FAM110B: variants seen among roughly 807,000 people sequenced by gnomAD.
The protein encoded by FAM110B is family with sequence similarity 110 member B.
In FAM110B, 6 loss-of-function variants were observed where a neutral mutation model predicts 20.4. The ratio of observed to expected loss-of-function variants is 0.29; its 90% CI spans 0.16 to 0.58. The LOEUF (loss-of-function observed/expected upper bound fraction) is 0.58, where lower values mean the gene tolerates loss of function less well. FAM110B is among the 20% of genes least tolerant of loss of function. The pLI is 0.90. For missense variants in FAM110B, 434 were observed against 498.2 expected, an observed-to-expected ratio of 0.87 and a Z score of 1.23; for synonymous variants, 226 against 214.1, an observed-to-expected ratio of 1.06 and a Z score of -0.49.
At chr8:58,030,521 A>G (rs1171529341) in intron 1 of FAM110B, among the ~76,000 whole-genome samples, 1 of 152,234 alleles carries the variant, frequency 6.6e-6, no homozygotes, top group Non-Finnish European at 1.5e-5. Context: ...CTCTCCAGAA[A>G]GGCGATGATA....
At chr8:58,125,831 T>G (rs1807487455) in intron 3 of FAM110B, among the ~76,000 whole-genome samples, 1 of 152,216 alleles carries the variant, frequency 6.6e-6, no homozygotes, top group African/African-American at 2.4e-5. Context: ...GCTGTTTTCT[T>G]TAAACATTTT....
intron 2 of FAM110B, among the ~76,000 whole-genome samples, chr8:58,047,930 T>C (rs1332982337): frequency 6.6e-6 from 1 of 152,192 alleles, no homozygotes; most frequent in East Asian, 1.9e-4. Context: ...ATTTAAACTT[T>C]AGCGTCTTCA....
intron 2 of FAM110B, among the ~76,000 whole-genome samples, chr8:58,047,614 C>CTCTCTCTT (rs1480910516): frequency 6.7e-6 from 1 of 150,062 alleles, no homozygotes; most frequent in African/African-American, 2.5e-5. Flanking sequence ...CTCTCTCTCT[C>CTCTCTCTT]TCTCTCTCTC....
At chr8:58,054,765 C>T (rs1008933641) in intron 2 of FAM110B, among the ~76,000 whole-genome samples, 3 of 152,068 alleles carry the variant, frequency 2.0e-5, no homozygotes, top group Non-Finnish European at 4.4e-5. Context: ...CCATGTCCCT[C>T]TAAAGCAAAA....
chr8:58,011,778 C>G (rs773577436), intron 1 of FAM110B, among the ~76,000 whole-genome samples: 1 of 152,210 alleles, frequency 6.6e-6, no homozygotes, highest in African/African-American at 2.4e-5. Context: ...ACATTTAGTT[C>G]TGGAAGATTA....
chr8:58,007,681 A>C (rs1183801403), intron 1 of FAM110B, among the ~76,000 whole-genome samples: 1 of 152,194 alleles, frequency 6.6e-6, no homozygotes, highest in Non-Finnish European at 1.5e-5. Context: ...AGACAGTGAG[A>C]AGGTGCCACC....
At chr8:58,103,755 C>G (rs72660399) in intron 3 of FAM110B, among the ~76,000 whole-genome samples, 3,548 of 152,288 alleles carry the variant, frequency 0.023, 59 homozygotes, top group Non-Finnish European at 0.031. Context: ...ATTTGGGCAA[C>G]AACCATTTCT....
intron 2 of FAM110B, among the ~76,000 whole-genome samples, chr8:58,036,799 A>G (rs578131057): frequency 1.8e-4 from 28 of 152,344 alleles, no homozygotes; most frequent in African/African-American, 5.3e-4. Flanking sequence ...CTTGAGTACC[A>G]TTGAAGAGCA....
Position 58,147,376 on chromosome 8 carries a change from CTG to C in FAM110B, c.*36_*37del. 6.3e-7 allele frequency: 1 copy of C among 1,590,512 alleles called. No individual in the cohort carries two copies. ...CGTGGAAAGGAGGGAGCGTGGGTCT[CTG>C]TGCTTACGCAGTTGTGAAGGTTGTG... On this transcript the variant is annotated 3_prime_UTR_variant, in exon 4 of 4. Transcript: ENST00000519262.
rs1248082128 is a variant in FAM110B at position 58,146,481 on chromosome 8, C to T, written c.251C>T (p.Pro84Leu). 5.6e-6 allele frequency: 9 copies of T among 1,613,500 alleles called. No homozygotes were observed. Among genetic ancestry groups the T allele is most frequent in the African/African-American group, 1.3e-5 (1 of 74,920 alleles). Residue 84 changes from proline to leucine, a missense_variant, in exon 4 of 4, where the codon CCG (proline) becomes CTG (leucine). Physicochemically the swap from Pro to Leu is moderately conservative, Grantham distance 98 (BLOSUM62 -3). Transcript: ENST00000519262. Reference sequence around the variant, plus strand: ...AAGCCCGCCGTGCTGGCCAAGCCCCCGGTGTGCCCGGCTGCCAAGCGCGCA... The same window carrying T: ...AAGCCCGCCGTGCTGGCCAAGCCCCTGGTGTGCCCGGCTGCCAAGCGCGCA... ...PVKPAVLAKP[P>L]VCPAAKRALG...
intron 3 of FAM110B, among the ~76,000 whole-genome samples, chr8:58,145,565 C>T (rs922078073): frequency 2.0e-5 from 3 of 152,316 alleles, no homozygotes; most frequent in Non-Finnish European, 2.9e-5. Context: ...CTCATTCCTA[C>T]GTTCATCAAG....
intron 3 of FAM110B, among the ~76,000 whole-genome samples, chr8:58,096,301 G>A (rs28815004): frequency 0.049 from 7,447 of 152,002 alleles, 601 homozygotes; most frequent in African/African-American, 0.17. Flanking sequence ...TCAGTCTCCC[G>A]AGTAGCTGGG....
intron 2 of FAM110B, among the ~76,000 whole-genome samples, chr8:58,045,543 T>G (rs1412628139): frequency 1.3e-5 from 2 of 152,176 alleles, no homozygotes; most frequent in African/African-American, 4.8e-5. Context: ...TCTTTTAATA[T>G]TGTACTTATT....
chr8:58,047,591 C>CCT (rs56031012), intron 2 of FAM110B, among the ~76,000 whole-genome samples: 13,992 of 74,580 alleles, frequency 0.19, 2,237 homozygotes, highest in East Asian at 0.49. Context: ...CTTCCTTTTT[C>CCT]CTCTCTCTCT....
chr8:58,136,072 T>C (rs1803606359), intron 3 of FAM110B, among the ~76,000 whole-genome samples: 1 of 148,416 alleles, frequency 6.7e-6, no homozygotes, highest in Non-Finnish European at 1.5e-5. Context: ...AGTTCAGTGA[T>C]GTGATCTCGG....
chr8:58,016,374 G>T, intron 1 of FAM110B, among the ~76,000 whole-genome samples: 1 of 152,156 alleles, frequency 6.6e-6, no homozygotes, highest in East Asian at 1.9e-4. Context: ...TGGGCCTCCC[G>T]GGAGGTTATT....
chr8:58,007,604 T>C (rs1276022985), intron 1 of FAM110B, among the ~76,000 whole-genome samples: 3 of 152,184 alleles, frequency 2.0e-5, no homozygotes, highest in African/African-American at 7.2e-5. Flanking sequence ...GGAGCCCTTA[T>C]GAATGGGATT....
At position 58,034,480 on chromosome 8, in the gene FAM110B, A is replaced by G. The variant is rs1284282867; in HGVS notation, c.-414+2777A>G. 3.9e-5 allele frequency among the ~76,000 whole-genome samples: 6 copies of G among 152,260 alleles called. No individual in the cohort carries two copies. The East Asian group carries it at 1.2e-3, about 29-fold the overall frequency. On this transcript the variant is annotated intron_variant, in intron 2 of 3. Coordinates refer to ENST00000519262, the MANE Select transcript of FAM110B (RefSeq NM_001377989.1). Reference sequence around the variant, plus strand: ...GCAGTCCTGGAGAGCCACACTCCTCAGTGCTGAGGGTAAGAGTGTGGGCTT... The same window carrying G: ...GCAGTCCTGGAGAGCCACACTCCTCGGTGCTGAGGGTAAGAGTGTGGGCTT...
At chr8:58,093,233 T>A (rs191683138) in intron 3 of FAM110B, among the ~76,000 whole-genome samples, 7 of 152,356 alleles carry the variant, frequency 4.6e-5, no homozygotes, top group Non-Finnish European at 8.8e-5. Context: ...TCTTTTGCTA[T>A]GCAGAAGCTC....
Sources: allele counts gnomAD v4.1 joint callset (sites outside exome capture counted in the v4.1 genomes callset), GRCh38; gene constraint gnomAD v4.1.1; transcripts MANE v1.5; gene names NCBI Gene and HGNC (gene_info 2026-07-23, HGNC 2026-07-21).